The following CPVL variants were observed in gnomAD, a reference collection of about 807,000 sequenced individuals.
CPVL encodes the protein carboxypeptidase vitellogenic like.
Under a neutral mutation model 63.7 loss-of-function variants are expected in CPVL, and 51 were observed. That is an observed-to-expected ratio of 0.80 (90% CI 0.64 to 1.01). The LOEUF is 1.01. Ranked by LOEUF, CPVL falls within the 50% of genes least tolerant of loss-of-function variation. CPVL has a pLI of 0.00. For missense variants in CPVL, 530 were observed against 573.1 expected (o/e 0.92, Z 0.77); for synonymous variants, 195 against 206.0 (o/e 0.95, Z 0.46).
chr7:29,136,396 A>G (rs1158201307), intron 1 of CPVL, among the ~76,000 whole-genome samples: 1 of 152,246 alleles, frequency 6.6e-6, no homozygotes, highest in Non-Finnish European at 1.5e-5. Flanking sequence ...AATAAGGTAA[A>G]TATTAGATAT....
chr7:29,061,263 A>G (rs183765237), intron 11 of CPVL, among the ~76,000 whole-genome samples: 231 of 152,132 alleles, frequency 1.5e-3, no homozygotes, highest in Non-Finnish European at 2.9e-3. Flanking sequence ...CGGAAAAAAA[A>G]TTAGCCAGGC....
chr7:29,002,094 T>C (rs1036088957), intron 12 of CPVL, among the ~76,000 whole-genome samples: 1 of 152,238 alleles, frequency 6.6e-6, no homozygotes, highest in African/African-American at 2.4e-5. Context: ...ATTTTTAAGC[T>C]TCTCTGACCA....
At chr7:29,112,452 T>C (rs558533067) in intron 3 of CPVL, among the ~76,000 whole-genome samples, 4 of 152,230 alleles carry the variant, frequency 2.6e-5, no homozygotes, top group Non-Finnish European at 4.4e-5. Flanking sequence ...GGTGGTAGTA[T>C]TAACACTCCA....
At chr7:29,077,498 G>A (rs548693) in intron 7 of CPVL, among the ~76,000 whole-genome samples, 2,782 of 152,222 alleles carry the variant, frequency 0.018, 97 homozygotes, top group African/African-American at 0.065. Context: ...GAAAGAGGGA[G>A]TTGTCAACTT....
At chr7:29,069,479 CA>C (rs1168026911) in intron 9 of CPVL, among the ~76,000 whole-genome samples, 3 of 148,018 alleles carry the variant, frequency 2.0e-5, no homozygotes, top group Non-Finnish European at 4.5e-5. Flanking sequence ...CAGTTGTTGT[CA>C]AAAAATAACA....
At chr7:29,077,654 GA>G (rs1784361600) in intron 7 of CPVL, among the ~76,000 whole-genome samples, 3 of 152,178 alleles carry the variant, frequency 2.0e-5, no homozygotes, top group South Asian at 4.1e-4. Flanking sequence ...TGTATCCCCA[GA>G]AGGCATCAAG....
chr7:29,021,218 G>T (rs1481938184), intron 12 of CPVL, among the ~76,000 whole-genome samples: 1 of 151,808 alleles, frequency 6.6e-6, no homozygotes, highest in Admixed American at 6.6e-5. Context: ...CTGAAATTTT[G>T]GATGAAATAG....
At position 29,092,709 on chromosome 7, in the gene CPVL, G is replaced by A; in HGVS notation, c.463-7C>T. 1.2e-6 allele frequency: 2 copies of A among 1,605,774 alleles called. No homozygotes were observed. The highest frequency in any genetic ancestry group is 8.5e-7 in the Non-Finnish European group (1 of 1,172,440). ...AACTGAAGCCTGTGCCCACCTGCAG[G>A]AGAAATAAACACGCAGGTATAAACA... is the stretch of plus-strand genomic sequence containing the variant. On this transcript the variant is annotated splice_region_variant and splice_polypyrimidine_tract_variant and intron_variant, in intron 5 of 12. Coordinates refer to ENST00000265394, the MANE Select transcript of CPVL (RefSeq NM_031311.5).
Position 29,046,145 on chromosome 7 carries a change from C to T in CPVL, c.1138-15386G>A, listed in dbSNP as rs376814391. Among the ~76,000 whole-genome samples the T allele has an allele frequency of 9.6e-4, 140 of 145,138 alleles. 3 individuals are homozygous for T. In the South Asian group the frequency reaches 0.029, roughly 30 times the overall value. ...TGTCACCCAAGTTGGAGTGCAGTGGCGTGATCGCGGCTCACTGCAACTTCC... is the reference window on the plus strand; with the variant it reads ...TGTCACCCAAGTTGGAGTGCAGTGGTGTGATCGCGGCTCACTGCAACTTCC... On this transcript the variant is annotated intron_variant, in intron 11 of 12. Coordinates refer to ENST00000265394, the MANE Select transcript of CPVL (RefSeq NM_031311.5).
At chr7:29,116,379 A>G (rs1195934563) in intron 2 of CPVL, among the ~76,000 whole-genome samples, 1 of 152,230 alleles carries the variant, frequency 6.6e-6, no homozygotes, top group Non-Finnish European at 1.5e-5. Context: ...GCATCCTTCT[A>G]TTAATGGAAT....
intron 5 of CPVL, among the ~76,000 whole-genome samples, chr7:29,173,129 T>G (rs13244357): frequency 8.4e-6 from 1 of 119,228 alleles, no homozygotes; most frequent in African/African-American, 3.3e-5. Flanking sequence ...AGACTCTGTA[T>G]CAAAAAAAAA....
At chr7:29,134,527 CA>C (rs1312248386) in intron 1 of CPVL, among the ~76,000 whole-genome samples, 3 of 152,086 alleles carry the variant, frequency 2.0e-5, no homozygotes, top group African/African-American at 7.2e-5. Context: ...AATAACTCTC[CA>C]AAAACCAAAA....
intron 9 of CPVL, among the ~76,000 whole-genome samples, chr7:29,067,112 G>A (rs1309373887): frequency 6.6e-6 from 1 of 152,136 alleles, no homozygotes; most frequent in Non-Finnish European, 1.5e-5. Flanking sequence ...GGTGGTAGTT[G>A]GAGAAAGATG....
chr7:29,095,146 T>G lies in CPVL; in HGVS notation c.404-4A>C. ...CAGGGGAAGTCTCTGTCACGCACTG[T>G]GAAAACAAAGAAGAGGGGTGAGATA... On this transcript the variant is annotated splice_region_variant and splice_polypyrimidine_tract_variant and intron_variant, in intron 4 of 12. Coordinates refer to ENST00000265394, the MANE Select transcript of CPVL (RefSeq NM_031311.5). The G allele has an allele frequency of 6.2e-7, 1 of 1,613,206 alleles. No individual in the cohort carries two copies. Among genetic ancestry groups the G allele is most frequent in the Non-Finnish European group, 8.5e-7 (1 of 1,179,340 alleles).
intron 5 of CPVL, among the ~76,000 whole-genome samples, chr7:29,156,742 G>A (rs1176502492): frequency 6.6e-6 from 1 of 152,158 alleles, no homozygotes; most frequent in African/African-American, 2.4e-5. Context: ...GCTTACACAA[G>A]CATTATGCTA....
intron 12 of CPVL, among the ~76,000 whole-genome samples, chr7:29,002,721 TACTC>T (rs554306860): frequency 2.3e-3 from 349 of 152,212 alleles, no homozygotes; most frequent in African/African-American, 7.4e-3. Context: ...ACTAAAAAGT[TACTC>T]ATTCATTGTT....
chr7:29,162,808 G>C (rs1795373012), intron 5 of CPVL, among the ~76,000 whole-genome samples: 1 of 152,234 alleles, frequency 6.6e-6, no homozygotes, highest in Non-Finnish European at 1.5e-5. Context: ...CCAAAGGTTA[G>C]GGAAGAGGAG....
chr7:29,042,643 T>C (rs1411006534), intron 11 of CPVL, among the ~76,000 whole-genome samples: 2 of 151,778 alleles, frequency 1.3e-5, no homozygotes, highest in African/African-American at 2.4e-5. Context: ...CAAAAAATAA[T>C]AGTACCACTA....
intron 3 of CPVL, among the ~76,000 whole-genome samples, chr7:29,097,880 G>A (rs1256307683): frequency 6.6e-6 from 1 of 152,206 alleles, no homozygotes; most frequent in African/African-American, 2.4e-5. Flanking sequence ...CAGCAGAGCT[G>A]TGCACAAGGG....
Sources: allele counts gnomAD v4.1 joint callset (sites outside exome capture counted in the v4.1 genomes callset), GRCh38; gene constraint gnomAD v4.1.1; transcripts MANE v1.5; gene names NCBI Gene and HGNC (gene_info 2026-07-23, HGNC 2026-07-21).